Variants in KCNB2 observed in about 807,000 individuals in gnomAD.
The protein encoded by KCNB2 is delayed rectifier potassium channel protein.
Under a neutral mutation model 61.5 loss-of-function variants are expected in KCNB2, and 15 were observed. That is an observed-to-expected ratio of 0.24 (90% CI 0.16 to 0.38). The LOEUF is 0.38. KCNB2 is among the 10% of genes least tolerant of loss of function. The pLI, the probability that KCNB2 is intolerant of heterozygous loss-of-function variation, is 1.00. For synonymous variants in KCNB2, 457 were observed against 446.0 expected (o/e 1.02, Z -0.31); for missense variants, 828 against 1,125.2 (o/e 0.74, Z 3.78).
intron 2 of KCNB2, among the ~76,000 whole-genome samples, chr8:72,626,151 GA>G (rs1805786165): frequency 6.6e-6 from 1 of 152,160 alleles, no homozygotes; most frequent in Admixed American, 6.5e-5. Flanking sequence ...GTCCAGACAA[GA>G]CAGCTAAGAA....
At chr8:72,583,150 GA>G (rs1377804316) in intron 2 of KCNB2, among the ~76,000 whole-genome samples, 2 of 152,134 alleles carry the variant, frequency 1.3e-5, no homozygotes, top group African/African-American at 2.4e-5. Context: ...TGGTGATAAA[GA>G]ATGTTCAATT....
chr8:72,710,007 G>C (rs531498531), intron 2 of KCNB2, among the ~76,000 whole-genome samples: 2 of 152,260 alleles, frequency 1.3e-5, no homozygotes, highest in African/African-American at 4.8e-5. Context: ...TGCATTTTCA[G>C]TAACCCATAC....
Position 72,564,621 on chromosome 8 carries a change from T to A in KCNB2, c.-93-3021T>A, listed in dbSNP as rs192590272. Among the ~76,000 whole-genome samples the A allele has an allele frequency of 8.6e-3, 1,308 of 152,280 alleles. 9 individuals are homozygous for A. Among genetic ancestry groups the A allele is most frequent in the Non-Finnish European group, 0.013 (887 of 68,016 alleles). ...CTGTTTTTGCCTCATCCTGATAGTG[T>A]TGCTCAATTTTTAACATATATATAT... On this transcript the variant is annotated intron_variant, in intron 1 of 2. Coordinates refer to ENST00000523207, the MANE Select transcript of KCNB2 (RefSeq NM_004770.3).
intron 2 of KCNB2, among the ~76,000 whole-genome samples, chr8:72,908,838 C>T (rs751822): frequency 0.21 from 32,285 of 152,096 alleles, 3,730 homozygotes; most frequent in Admixed American, 0.29. Flanking sequence ...TGGGGCCTGG[C>T]TTACAGAAAC....
chr8:72,917,618 T>C (rs1806427694), intron 2 of KCNB2, among the ~76,000 whole-genome samples: 1 of 152,210 alleles, frequency 6.6e-6, no homozygotes, highest in African/African-American at 2.4e-5. Context: ...GTGTTGAAAT[T>C]GGGAAAGGAA....
At position 72,937,814 on chromosome 8, in the gene KCNB2, G is replaced by C; in HGVS notation, c.2459G>C (p.Gly820Ala). 1 of 1,613,958 alleles carries C rather than the reference G, an allele frequency of 6.2e-7. No individual in the cohort carries two copies. Among genetic ancestry groups the C allele is most frequent in the Non-Finnish European group, 8.5e-7 (1 of 1,180,004 alleles). ...GACGAAGACTTCTTAGAGCTCCCAG[G>C]GGCAAGGGAGGAGAAGCAGGTGGAC... ...GDDEDFLELP[G>A]AREEKQVDSS... is the part of the protein sequence containing the mutation. Residue 820 changes from glycine to alanine, a missense_variant, in exon 3 of 3, where the codon GGG becomes GCG. By Grantham distance (60) the Gly-to-Ala change is moderately conservative. Around this residue, in one of 4 missense-constraint regions of KCNB2, gnomAD observed 559 missense variants for 588.4 expected, o/e 0.95. Coordinates refer to ENST00000523207, the MANE Select transcript of KCNB2 (RefSeq NM_004770.3).
At chr8:72,679,861 GA>G (rs1806723343) in intron 2 of KCNB2, among the ~76,000 whole-genome samples, 1 of 152,158 alleles carries the variant, frequency 6.6e-6, no homozygotes, top group Non-Finnish European at 1.5e-5. Flanking sequence ...AACTGCCTAT[GA>G]AGACTGCTCC....
chr8:72,564,185 T>C (rs2128978619), intron 1 of KCNB2, among the ~76,000 whole-genome samples: 1 of 152,312 alleles, frequency 6.6e-6, no homozygotes, highest in East Asian at 1.9e-4. Flanking sequence ...ACAATGCACA[T>C]GAAATTATTT....
At chr8:72,660,932 C>T (rs1406776254) in intron 2 of KCNB2, 1 of 152,174 alleles carries the variant, frequency 6.6e-6, no homozygotes, top group African/African-American at 2.4e-5. Flanking sequence ...GATACTTTCT[C>T]AGCTTTAAGA....
intron 2 of KCNB2, among the ~76,000 whole-genome samples, chr8:72,657,281 T>C (rs1375828759): frequency 6.6e-6 from 1 of 151,984 alleles, no homozygotes; most frequent in African/African-American, 2.4e-5. Flanking sequence ...TAGGGAGAAA[T>C]TACAGGAAAA....
At position 72,729,359 on chromosome 8, in the gene KCNB2, C is replaced by G. The variant is rs79376517; in HGVS notation, c.579+161046C>G. On this transcript the variant is annotated intron_variant, in intron 2 of 2. Transcript: ENST00000523207. Reference sequence around the variant, plus strand: ...CTCCAGCATTTTGGATATAGAGGACCCTGAAGGTTAAAAACTGACTCTTAA... The same window carrying G: ...CTCCAGCATTTTGGATATAGAGGACGCTGAAGGTTAAAAACTGACTCTTAA... Among the ~76,000 whole-genome samples the G allele has an allele frequency of 3.8e-3, 571 of 152,044 alleles. 3 individuals carry two copies. The highest frequency in any genetic ancestry group is 4.8e-3 in the Non-Finnish European group (327 of 67,980).
intron 2 of KCNB2, among the ~76,000 whole-genome samples, chr8:72,704,234 A>T (rs943653289): frequency 1.1e-4 from 17 of 152,200 alleles, no homozygotes; most frequent in African/African-American, 4.1e-4. Flanking sequence ...ACCAAAGTGG[A>T]ATGGCATTAA....
intron 2 of KCNB2, among the ~76,000 whole-genome samples, chr8:72,892,406 C>T (rs912561487): frequency 2.0e-5 from 3 of 152,116 alleles, no homozygotes; most frequent in Non-Finnish European, 4.4e-5. Context: ...ATGACCTCTT[C>T]GGTAAATTAA....
intron 2 of KCNB2, among the ~76,000 whole-genome samples, chr8:72,811,404 C>T (rs1352984947): frequency 2.0e-5 from 3 of 152,040 alleles, no homozygotes; most frequent in Non-Finnish European, 4.4e-5. Flanking sequence ...CATCTTTTCA[C>T]GTGTCCAAGT....
intron 2 of KCNB2, among the ~76,000 whole-genome samples, chr8:72,928,763 G>A (rs1806710253): frequency 6.7e-6 from 1 of 150,134 alleles, no homozygotes; most frequent in Admixed American, 6.7e-5. Context: ...AAGTTCACCT[G>A]GAGAAACCTC....
intron 1 of KCNB2, among the ~76,000 whole-genome samples, chr8:72,541,276 AGTT>A (rs1222124990): frequency 6.6e-6 from 1 of 152,000 alleles, no homozygotes; most frequent in Non-Finnish European, 1.5e-5. Flanking sequence ...TATAAAATAA[AGTT>A]ATTATTATAG....
At chr8:72,716,104 T>C (rs901357321) in intron 2 of KCNB2, among the ~76,000 whole-genome samples, 14 of 152,102 alleles carry the variant, frequency 9.2e-5, no homozygotes, top group African/African-American at 3.4e-4. Context: ...CTCCCAAGAC[T>C]AAACAAGGAA....
chr8:72,915,381 G>A (rs944409727), intron 2 of KCNB2, among the ~76,000 whole-genome samples: 3 of 152,104 alleles, frequency 2.0e-5, no homozygotes, highest in Non-Finnish European at 2.9e-5. Flanking sequence ...CAGTTAGAAG[G>A]CTAATCCTAT....
At chr8:72,889,913 G>A (rs1366586172) in intron 2 of KCNB2, among the ~76,000 whole-genome samples, 4 of 152,004 alleles carry the variant, frequency 2.6e-5, no homozygotes, top group Admixed American at 2.6e-4. Context: ...GTGCCAGCAT[G>A]CCCAGCAAAT....
Sources: gnomAD v4.1 joint callset for allele counts (sites outside exome capture counted in the v4.1 genomes callset) on GRCh38, gnomAD v4.1.1 for gene constraint, gnomAD v4.1.1 regional missense constraint, MANE v1.5 for transcripts, NCBI Gene and HGNC (gene_info 2026-07-23, HGNC 2026-07-21) for gene names.